Variants in SEC14L6 observed in about 807,000 individuals in gnomAD.
The protein encoded by SEC14L6 is SEC14 like lipid binding 6.
In SEC14L6, 40 loss-of-function variants were observed where a neutral mutation model predicts 54.1. The ratio of observed to expected loss-of-function variants is 0.74; its 90% CI spans 0.57 to 0.96. SEC14L6 has a LOEUF of 0.96. Ranked by LOEUF, SEC14L6 falls within the 40% of genes least tolerant of loss-of-function variation. SEC14L6 has a pLI of 0.00. For missense variants in SEC14L6, 471 were observed against 498.3 expected (o/e 0.95, Z 0.52); for synonymous variants, 171 against 198.4 (o/e 0.86, Z 1.16).
Position 30,525,869 on chromosome 22 carries a change from C to G in SEC14L6, c.728G>C (p.Gly243Ala). 1 of 1,613,678 alleles carries G rather than the reference C, an allele frequency of 6.2e-7. No homozygotes were observed. The highest frequency in any genetic ancestry group is 8.5e-7 in the Non-Finnish European group (1 of 1,179,768). The change falls in exon 9 of 12, where the codon GGG (glycine) becomes GCG (alanine). Residue 243 changes from glycine (G) to alanine (A), a missense_variant. Transcript: ENST00000402034. ...GTTGCCATCGGGGTCAGTCATGGTC[C>G]CCCCAAACTCCACGGGCAGCTGGTC... ...SPDQLPVEFG[G>A]TMTDPDGNPK...
rs956150495 is a variant in SEC14L6, at chr22:30,541,201, T to A, written c.55-2299A>T. Among the ~76,000 whole-genome samples the A allele has an allele frequency of 2.8e-4, 18 of 64,454 alleles. 1 individual carries two copies. In the South Asian group the frequency reaches 4.3e-3, roughly 15 times the overall value. The allele number at this position is 64,454 out of a possible 152,430, so 42.3% of individuals were successfully genotyped here. On this transcript the variant is annotated intron_variant, in intron 1 of 11. Transcript: ENST00000402034. ...TCAAGAAACACAACTTTTAAAAAAA[T>A]TTTTATTTATTTTTTAATTTTATTT...
chr22:30,531,879 A>G (rs1262331037), intron 6 of SEC14L6, 24 bp downstream of exon 6: 1 of 1,522,434 alleles, frequency 6.6e-7, no homozygotes, highest in Admixed American at 2.0e-5. Context: ...CCACCCACCC[A>G]TGCCCCTGGC....
chr22:30,545,727 G>A lies in SEC14L6; in HGVS notation c.54+902C>T, dbSNP rs186440570. Among the ~76,000 whole-genome samples, 473 of 152,290 alleles carry A rather than the reference G, an allele frequency of 3.1e-3. 4 individuals are homozygous for A. The highest frequency in any genetic ancestry group is 0.011 in the African/African-American group (446 of 41,560). ...AGGCCCGAGCTACTGCACCAGACCA[G>A]TTGTTTTTATATTGATTAGATTATA... is the stretch of plus-strand genomic sequence containing the variant. On this transcript the variant is annotated intron_variant, in intron 1 of 11. Coordinates refer to ENST00000402034, the MANE Select transcript of SEC14L6 (RefSeq NM_001193336.4).
rs751127034 is a variant in SEC14L6, at chr22:30,532,674, C to T, written c.274G>A (p.Asp92Asn). 10 of 1,552,436 alleles carry T rather than the reference C, an allele frequency of 6.4e-6. No homozygotes were observed. Among genetic ancestry groups the T allele is most frequent in the South Asian group, 4.7e-5 (4 of 84,356 alleles). ...TACCAGACAGGGCTGCCCTCACCGT[C>T]GTGGCCGCATATGCCGTTAGCGTTG... is the stretch of plus-strand genomic sequence containing the variant. ...LYNANGICGH[D>N]GEGSPVWYHI... Residue 92 changes from aspartate (D) to asparagine (N), a missense_variant, in exon 5 of 12, where the codon GAC becomes AAC. Transcript: ENST00000402034.
At chr22:30,530,405 C>CA (rs1936930821) in intron 6 of SEC14L6, among the ~76,000 whole-genome samples, 2 of 152,020 alleles carry the variant, frequency 1.3e-5, no homozygotes, top group Non-Finnish European at 2.9e-5. Flanking sequence ...TCTCAAAAAA[C>CA]AAAAGAAAAC....
At chr22:30,545,244 G>T (rs1338368883) in intron 1 of SEC14L6, among the ~76,000 whole-genome samples, 1 of 152,142 alleles carries the variant, frequency 6.6e-6, no homozygotes, top group Non-Finnish European at 1.5e-5. Flanking sequence ...GACGTGACCT[G>T]CCAATGCAGC....
At chr22:30,542,546 C>A in intron 1 of SEC14L6, 2 of 1,258,534 alleles carry the variant, frequency 1.6e-6, no homozygotes, top group Non-Finnish European at 2.1e-6. Context: ...TGCCTTCCAG[C>A]CCTCGCGGGC....
intron 1 of SEC14L6, chr22:30,542,973 G>C (rs1034606022): frequency 4.4e-6 from 7 of 1,601,568 alleles, no homozygotes; most frequent in African/African-American, 2.7e-5. Context: ...TGGAGTTGAA[G>C]TCTGGAGCAG....
intron 1 of SEC14L6, chr22:30,543,337 G>A: frequency 1.9e-6 from 3 of 1,572,670 alleles, no homozygotes; most frequent in Non-Finnish European, 1.8e-6. Flanking sequence ...ACCCACCTTG[G>A]AGGTTACTCA....
intron 6 of SEC14L6, among the ~76,000 whole-genome samples, chr22:30,529,898 T>C (rs1389652622): frequency 1.3e-5 from 2 of 152,212 alleles, no homozygotes; most frequent in Non-Finnish European, 1.5e-5. Context: ...ATAATATACA[T>C]AGTTGCAAGG....
chr22:30,529,338 T>C lies in SEC14L6; in HGVS notation c.531A>G (p.Ala177=). 1.3e-6 allele frequency: 2 copies of C among 1,550,520 alleles called. No homozygotes were observed. The highest frequency in any genetic ancestry group is 2.7e-5 in the African/African-American group (2 of 73,140). ...AGATCTCAGGGTAATTTGCTTCAAG[T>C]GCTGAGAAAAACTGCGGAACCAAGT... ...GIELLQEFFS[A]LEANYPEILK... Residue 177 remains alanine (A), a synonymous_variant, in exon 7 of 12, where the codon GCA becomes GCG. Transcript: ENST00000402034.
Position 30,529,362 on chromosome 22 carries a change from G to A in SEC14L6, c.520-13C>T, listed in dbSNP as rs1936892504. On this transcript the variant is annotated splice_polypyrimidine_tract_variant and intron_variant, in intron 6 of 11. Transcript: ENST00000402034. ...GTGCTGAGAAAAACTGCGGAACCAA[G>A]TGGCAGAAGTGATGGGCGTCTGAAC... is the stretch of plus-strand genomic sequence containing the variant. 6.5e-7 allele frequency: 1 copy of A among 1,549,118 alleles called. No homozygotes were observed.
intron 2 of SEC14L6, 78 bp from the exon 3 acceptor site, chr22:30,534,117 C>T: frequency 7.1e-7 from 1 of 1,407,882 alleles, no homozygotes. Context: ...CGGCCCTGCC[C>T]CACCCTCCAG....
chr22:30,524,865 A>G lies in SEC14L6; in HGVS notation c.*132T>C, dbSNP rs1936711265. 1.6e-6 allele frequency: 1 copy of G among 639,422 alleles called. No individual in the cohort carries two copies. The highest frequency in any genetic ancestry group is 2.9e-6 in the Non-Finnish European group (1 of 346,316). The allele number at this position is 639,422 out of a possible 1,614,324, so 39.6% of individuals were successfully genotyped here. A position where few individuals can be genotyped will look rare whatever the true frequency, so the allele number is the denominator to read the frequency against. On this transcript the variant is annotated 3_prime_UTR_variant, in exon 12 of 12. Coordinates refer to ENST00000402034, the MANE Select transcript of SEC14L6 (RefSeq NM_001193336.4). The stretch of plus-strand genomic sequence containing the variant: ...GTTCCTGAGGAGTGGGCCAGCTGTG[A>G]TGCATAGGCTGTGACCTGCTGTTGT...
At chr22:30,538,265 G>A (rs1027513121) in intron 2 of SEC14L6, among the ~76,000 whole-genome samples, 3 of 151,656 alleles carry the variant, frequency 2.0e-5, no homozygotes, top group Non-Finnish European at 2.9e-5. Context: ...TCTGAGAGGC[G>A]GAGGTTGCAG....
At position 30,540,878 on chromosome 22, in the gene SEC14L6, G is replaced by C. The variant is rs560062184; in HGVS notation, c.55-1976C>G. On this transcript the variant is annotated intron_variant, in intron 1 of 11. Coordinates refer to ENST00000402034, the MANE Select transcript of SEC14L6 (RefSeq NM_001193336.4). ...TACTAAAAATACAAAAATTAGCTGG[G>C]CGTGGTGGCAGGCGCCTGTAATCAA... Among the ~76,000 whole-genome samples the C allele has an allele frequency of 2.4e-3, 367 of 151,990 alleles. 3 individuals carry two copies. Among genetic ancestry groups the C allele is most frequent in the African/African-American group, 8.4e-3 (347 of 41,464 alleles).
intron 8 of SEC14L6, among the ~76,000 whole-genome samples, chr22:30,527,849 T>G (rs1162526087): frequency 6.6e-6 from 1 of 151,766 alleles, no homozygotes; most frequent in African/African-American, 2.4e-5. Flanking sequence ...GGATCGTCAC[T>G]ACTCATTTGT....
chr22:30,545,602 A>G (rs1323171886), intron 1 of SEC14L6, among the ~76,000 whole-genome samples: 4 of 151,860 alleles, frequency 2.6e-5, no homozygotes, highest in African/African-American at 9.7e-5. Flanking sequence ...GGGTCTCCCT[A>G]TGTTGCTAAT....
intron 1 of SEC14L6, chr22:30,542,954 GC>G: frequency 6.2e-7 from 1 of 1,601,346 alleles, no homozygotes; most frequent in Non-Finnish European, 8.5e-7. Flanking sequence ...CAGAAAGGGA[GC>G]CCTGACGTGG....
Sources: allele counts gnomAD v4.1 joint callset (sites outside exome capture counted in the v4.1 genomes callset), GRCh38; gene constraint gnomAD v4.1.1; transcripts MANE v1.5; gene names NCBI Gene and HGNC (gene_info 2026-07-23, HGNC 2026-07-21).